KCNAB1: variants seen among roughly 807,000 people sequenced by gnomAD.
KCNAB1 encodes the protein voltage-gated potassium channel subunit beta-1.
Under a neutral mutation model 64.6 loss-of-function variants are expected in KCNAB1, and 35 were observed. The ratio of observed to expected loss-of-function variants is 0.54; its 90% CI spans 0.41 to 0.72. KCNAB1 has a LOEUF of 0.72. Among genes scored for constraint, KCNAB1 ranks in the 30% least tolerant of loss-of-function variants. The probability of loss-of-function intolerance (pLI) is 0.00; values close to 1 mark genes in which losing one functional copy is unlikely to be tolerated. For synonymous variants in KCNAB1, 177 were observed against 183.8 expected (o/e 0.96, Z 0.30); for missense variants, 401 against 512.9 (o/e 0.78, Z 2.11).
At chr3:156,361,317 T>C (rs1725598445) in intron 1 of KCNAB1, among the ~76,000 whole-genome samples, 1 of 152,146 alleles carries the variant, frequency 6.6e-6, no homozygotes, top group African/African-American at 2.4e-5. Context: ...TCTCATCTCA[T>C]AGGGCAGGTT....
chr3:156,221,745 T>A (rs1211135682), intron 1 of KCNAB1, among the ~76,000 whole-genome samples: 1 of 147,034 alleles, frequency 6.8e-6, no homozygotes, highest in Non-Finnish European at 1.5e-5. Flanking sequence ...GACATTACAC[T>A]CCAGCCTGGG....
intron 1 of KCNAB1, among the ~76,000 whole-genome samples, chr3:156,124,480 G>A (rs1713534419): frequency 6.6e-6 from 1 of 152,044 alleles, no homozygotes; most frequent in South Asian, 2.1e-4. Context: ...GCCTCCCAAA[G>A]AGCTGGAATT....
chr3:156,368,191 A>T (rs1284299022), intron 1 of KCNAB1, among the ~76,000 whole-genome samples: 1 of 152,194 alleles, frequency 6.6e-6, no homozygotes. Context: ...TACTTATATT[A>T]AAAAATGTAT....
intron 1 of KCNAB1, among the ~76,000 whole-genome samples, chr3:156,314,192 A>G (rs1035102348): frequency 6.6e-6 from 1 of 152,244 alleles, no homozygotes; most frequent in Admixed American, 6.5e-5. Context: ...GGCACAGTTC[A>G]GAGCACTTGA....
intron 1 of KCNAB1, among the ~76,000 whole-genome samples, chr3:156,122,547 A>C (rs553534301): frequency 6.6e-6 from 1 of 152,304 alleles, no homozygotes; most frequent in South Asian, 2.1e-4. Flanking sequence ...CTTAAACAAT[A>C]ATATTTTGTT....
intron 1 of KCNAB1, among the ~76,000 whole-genome samples, chr3:156,319,522 G>C (rs558372488): frequency 6.6e-6 from 1 of 152,164 alleles, no homozygotes; most frequent in Non-Finnish European, 1.5e-5. Flanking sequence ...CCAAACTTAA[G>C]AAGGGCAGGG....
rs557635491 is a variant in KCNAB1, at chr3:156,320,347, T to C, written c.276-101269T>C. Among the ~76,000 whole-genome samples the C allele has an allele frequency of 1.6e-4, 25 of 152,332 alleles. 1 individual carries two copies. Among genetic ancestry groups the C allele is most frequent in the African/African-American group, 5.8e-4 (24 of 41,578 alleles). On this transcript the variant is annotated intron_variant, in intron 1 of 13. Transcript: ENST00000490337. ...TGTACTCTTAGAATCTACATAATCC[T>C]ACACAAAAGATTTATTAAATGAATG...
At chr3:156,474,468 T>C (rs568961674) in intron 7 of KCNAB1, among the ~76,000 whole-genome samples, 4 of 152,342 alleles carry the variant, frequency 2.6e-5, no homozygotes, top group African/African-American at 7.2e-5. Flanking sequence ...TACAAGTCAC[T>C]GTGAAGGTCA....
At chr3:156,421,805 C>A in intron 2 of KCNAB1, 146 bp downstream of exon 2, 1 of 647,094 alleles carries the variant, frequency 1.5e-6, no homozygotes, top group Admixed American at 2.6e-5. Context: ...CTCCTTTGAG[C>A]CTTTCTCTTC....
At chr3:156,226,751 C>T (rs1716205546) in intron 1 of KCNAB1, among the ~76,000 whole-genome samples, 2 of 152,158 alleles carry the variant, frequency 1.3e-5, no homozygotes, top group African/African-American at 4.8e-5. Context: ...AACAACTTTC[C>T]ATGTTTTGGC....
intron 1 of KCNAB1, among the ~76,000 whole-genome samples, chr3:156,243,840 C>CA (rs1717304707): frequency 6.6e-6 from 1 of 152,280 alleles, no homozygotes; most frequent in Non-Finnish European, 1.5e-5. Context: ...GGGAATGTGC[C>CA]ATCTAGATGC....
intron 1 of KCNAB1, among the ~76,000 whole-genome samples, chr3:156,248,430 A>G (rs1361429114): frequency 1.3e-5 from 2 of 149,908 alleles, no homozygotes; most frequent in Non-Finnish European, 3.0e-5. Context: ...ATTTGATGCC[A>G]TGGGAAGTTG....
chr3:156,531,672 C>T (rs1414844139), intron 13 of KCNAB1, among the ~76,000 whole-genome samples, 175 bp downstream of exon 13: 1 of 152,236 alleles, frequency 6.6e-6, no homozygotes, highest in Admixed American at 6.5e-5. Context: ...TGCCTATGAA[C>T]AGGCAGTATT....
intron 1 of KCNAB1, among the ~76,000 whole-genome samples, chr3:156,123,792 C>T (rs941455407): frequency 1.2e-4 from 18 of 152,214 alleles, no homozygotes; most frequent in African/African-American, 3.9e-4. Context: ...TTCTTACTGC[C>T]TGTAACTGTG....
At chr3:156,299,320 G>C (rs1156870006) in intron 1 of KCNAB1, among the ~76,000 whole-genome samples, 2 of 152,248 alleles carry the variant, frequency 1.3e-5, no homozygotes, top group Admixed American at 1.3e-4. Context: ...GCTGTGTGCT[G>C]AGAGAGCCAG....
At chr3:156,281,535 G>T (rs1425770451) in intron 1 of KCNAB1, among the ~76,000 whole-genome samples, 1 of 152,144 alleles carries the variant, frequency 6.6e-6, no homozygotes, top group Non-Finnish European at 1.5e-5. Context: ...GTTTCAGAAG[G>T]AATGGTACCA....
chr3:156,403,362 C>A (rs978754221), intron 1 of KCNAB1, among the ~76,000 whole-genome samples: 6 of 152,150 alleles, frequency 3.9e-5, no homozygotes, highest in African/African-American at 1.4e-4. Context: ...GTCTGAGATT[C>A]CCACAGAATT....
chr3:156,176,040 T>G, intron 1 of KCNAB1: 1 of 783,338 alleles, frequency 1.3e-6, no homozygotes, highest in Non-Finnish European at 2.3e-6. Context: ...TTCCATCAGG[T>G]GACCAAGAAC....
chr3:156,248,234 A>G (rs1456413720), intron 1 of KCNAB1, among the ~76,000 whole-genome samples: 2 of 152,214 alleles, frequency 1.3e-5, no homozygotes, highest in Non-Finnish European at 2.9e-5. Flanking sequence ...TACTAATTGC[A>G]ATGTAGCATT....
Sources: allele counts gnomAD v4.1 joint callset (sites outside exome capture counted in the v4.1 genomes callset), GRCh38; gene constraint gnomAD v4.1.1; transcripts MANE v1.5; gene names NCBI Gene and HGNC (gene_info 2026-07-23, HGNC 2026-07-21).